MPHOSPH6: variants seen among roughly 807,000 people sequenced by gnomAD.
The protein encoded by MPHOSPH6 is M-phase phosphoprotein 6.
Under a neutral mutation model 21.8 loss-of-function variants are expected in MPHOSPH6, and 25 were observed. The observed-to-expected ratio is 1.15, with a 90% CI of 0.83 to 1.60. The LOEUF is 1.60. Ranked by LOEUF, MPHOSPH6 falls within the 40% of genes most tolerant of loss-of-function variation. The pLI, the probability that MPHOSPH6 is intolerant of heterozygous loss-of-function variation, is 0.00. For missense variants in MPHOSPH6, 269 were observed against 181.8 expected (o/e 1.48, Z -2.76); for synonymous variants, 84 against 56.5 (o/e 1.49, Z -2.18).
At chr16:82,163,224 C>T (rs1906660375) in intron 2 of MPHOSPH6, among the ~76,000 whole-genome samples, 1 of 152,214 alleles carries the variant, frequency 6.6e-6, no homozygotes, top group African/African-American at 2.4e-5. Context: ...CATAAATGTG[C>T]CTCAAGACAG....
intron 1 of MPHOSPH6, among the ~76,000 whole-genome samples, chr16:82,167,904 A>G (rs1359421410): frequency 6.6e-6 from 1 of 152,160 alleles, no homozygotes; most frequent in Non-Finnish European, 1.5e-5. Context: ...CCCATGCTAT[A>G]TAGGACTTAG....
chr16:82,150,319 C>T (rs544278481), intron 3 of MPHOSPH6, among the ~76,000 whole-genome samples: 2 of 152,094 alleles, frequency 1.3e-5, no homozygotes, highest in African/African-American at 4.8e-5. Context: ...ATAATCCCTG[C>T]CTTTTTCTTC....
intron 2 of MPHOSPH6, among the ~76,000 whole-genome samples, chr16:82,160,679 T>C (rs1017808013): frequency 6.6e-6 from 1 of 152,152 alleles, no homozygotes; most frequent in Admixed American, 6.5e-5. Context: ...GTGCACAGCA[T>C]CCACCTGGGC....
chr16:82,166,930 G>A (rs766690893), intron 1 of MPHOSPH6, among the ~76,000 whole-genome samples: 5 of 152,140 alleles, frequency 3.3e-5, no homozygotes, highest in Non-Finnish European at 7.4e-5. Flanking sequence ...GTACAAGTTC[G>A]ATTCTCCTAC....
At chr16:82,160,984 G>A (rs1053587045) in intron 2 of MPHOSPH6, among the ~76,000 whole-genome samples, 4 of 148,050 alleles carry the variant, frequency 2.7e-5, no homozygotes, top group Non-Finnish European at 4.5e-5. Flanking sequence ...AGAAGGGACA[G>A]AGAGAGGAAT....
rs1906151948 is a variant in MPHOSPH6, at chr16:82,148,466, A to G, written c.*265T>C. The stretch of plus-strand genomic sequence containing the variant: ...AACTATATTAAGAGAAACCTGAGGT[A>G]AAAAAAATCTTTAGGAAGCAGCCCT... On this transcript the variant is annotated 3_prime_UTR_variant, in exon 5 of 5. Transcript: ENST00000258169. The G allele has an allele frequency of 3.2e-6, 1 of 315,260 alleles. No homozygotes were observed. The allele number at this position is 315,260 out of a possible 1,614,324, so 19.5% of individuals were successfully genotyped here.
At chr16:82,153,853 T>A (rs1285990887) in intron 2 of MPHOSPH6, among the ~76,000 whole-genome samples, 4 of 152,178 alleles carry the variant, frequency 2.6e-5, no homozygotes, top group Admixed American at 2.6e-4. Context: ...CTGTACAAAA[T>A]CCAGATGTTA....
chr16:82,153,083 T>C (rs1906318833), intron 2 of MPHOSPH6, among the ~76,000 whole-genome samples: 1 of 151,594 alleles, frequency 6.6e-6, no homozygotes. Flanking sequence ...GTCAAGATTG[T>C]GCCACTGCAC....
intron 1 of MPHOSPH6, among the ~76,000 whole-genome samples, chr16:82,166,633 TAC>T (rs1906789870): frequency 6.6e-6 from 1 of 151,860 alleles, no homozygotes; most frequent in African/African-American, 2.4e-5. Context: ...GCACCCCTGG[TAC>T]ACAAAAGAGC....
intron 2 of MPHOSPH6, among the ~76,000 whole-genome samples, chr16:82,160,470 G>C (rs1567614479): frequency 1.3e-5 from 2 of 152,146 alleles, no homozygotes; most frequent in South Asian, 4.1e-4. Context: ...GGTTGCTCTG[G>C]ACTATCTTTG....
At chr16:82,156,976 C>G (rs543579944) in intron 2 of MPHOSPH6, among the ~76,000 whole-genome samples, 1 of 152,230 alleles carries the variant, frequency 6.6e-6, no homozygotes, top group South Asian at 2.1e-4. Flanking sequence ...CCGCTTGAAC[C>G]TGGGAAGCAG....
chr16:82,158,678 A>T (rs987772328), intron 2 of MPHOSPH6, among the ~76,000 whole-genome samples: 9 of 152,150 alleles, frequency 5.9e-5, no homozygotes, highest in Non-Finnish European at 1.3e-4. Flanking sequence ...AGTGAACCTG[A>T]CACTTCAAGG....
chr16:82,150,887 A>G (rs983896758), intron 3 of MPHOSPH6, among the ~76,000 whole-genome samples: 1 of 152,248 alleles, frequency 6.6e-6, no homozygotes, highest in Non-Finnish European at 1.5e-5. Context: ...GTTCTAATGA[A>G]TATTTGTTAA....
chr16:82,152,926 C>T (rs1346539958), intron 2 of MPHOSPH6, among the ~76,000 whole-genome samples: 1 of 152,168 alleles, frequency 6.6e-6, no homozygotes, highest in Non-Finnish European at 1.5e-5. Flanking sequence ...CTTATTAAAC[C>T]AAACTGTGTG....
At chr16:82,154,037 A>G (rs1007943819) in intron 2 of MPHOSPH6, among the ~76,000 whole-genome samples, 2 of 152,182 alleles carry the variant, frequency 1.3e-5, no homozygotes, top group African/African-American at 4.8e-5. Flanking sequence ...AGCAAGGTAA[A>G]TTTTGCCACA....
Position 82,170,107 on chromosome 16 carries a change from C to A in MPHOSPH6, c.51+18G>T, listed in dbSNP as rs1321136342. Reference sequence around the variant, plus strand: ...GGTGCCCCTACCGCCCGGAGTGGCGCTCTCAGCGTCCCCGCACCTTCATGC... The same window carrying A: ...GGTGCCCCTACCGCCCGGAGTGGCGATCTCAGCGTCCCCGCACCTTCATGC... On this transcript the variant is annotated intron_variant, in intron 1 of 4. Coordinates refer to ENST00000258169, the MANE Select transcript of MPHOSPH6 (RefSeq NM_005792.2). The A allele has an allele frequency of 6.3e-7, 1 of 1,588,500 alleles. No homozygotes were observed. Among genetic ancestry groups the A allele is most frequent in the Non-Finnish European group, 8.6e-7 (1 of 1,167,726 alleles).
In MPHOSPH6 at chr16:82,170,184, C is replaced by T. The variant is rs1184873333; in HGVS notation, c.-9G>A. On this transcript the variant is annotated 5_prime_UTR_variant, in exon 1 of 5. Transcript: ENST00000258169. ...TTTCGCTCGGCCGCCATGGTAGCTT[C>T]CGCCCAGCGCCGCACTCCGGCCGCG... 2.5e-6 allele frequency: 4 copies of T among 1,577,084 alleles called. No homozygotes were observed. Among genetic ancestry groups the T allele is most frequent in the South Asian group, 2.3e-5 (2 of 87,338 alleles).
intron 3 of MPHOSPH6, among the ~76,000 whole-genome samples, chr16:82,150,890 T>G (rs187738620): frequency 2.0e-5 from 3 of 152,222 alleles, no homozygotes; most frequent in Non-Finnish European, 2.9e-5. Context: ...CTAATGAATA[T>G]TTGTTAAATA....
At chr16:82,154,617 C>CAA (rs137931634) in intron 2 of MPHOSPH6, among the ~76,000 whole-genome samples, 4 of 149,584 alleles carry the variant, frequency 2.7e-5, no homozygotes, top group Non-Finnish European at 4.5e-5. Flanking sequence ...ATAGAGACTG[C>CAA]AAAAAAACAC....
Sources: gnomAD v4.1 joint callset for allele counts (sites outside exome capture counted in the v4.1 genomes callset) on GRCh38, gnomAD v4.1.1 for gene constraint, MANE v1.5 for transcripts, NCBI Gene and HGNC (gene_info 2026-07-23, HGNC 2026-07-21) for gene names.